The following PHF14 variants were observed in gnomAD, a reference collection of about 807,000 sequenced individuals.
PHF14 encodes the protein PHD finger protein 14.
Under a neutral mutation model 117.9 loss-of-function variants are expected in PHF14, and 55 were observed. The ratio of observed to expected loss-of-function variants is 0.47; its 90% CI spans 0.38 to 0.58. The LOEUF (loss-of-function observed/expected upper bound fraction) is 0.58. Ranked by LOEUF, PHF14 falls within the 20% of genes least tolerant of loss-of-function variation. PHF14 has a pLI of 0.00. For missense variants in PHF14, 978 were observed against 1,122.2 expected (o/e 0.87, Z 1.84); for synonymous variants, 409 against 368.6 (o/e 1.11, Z -1.26).
chr7:11,126,100 G>C (rs1418401908), intron 17 of PHF14, among the ~76,000 whole-genome samples: 2 of 152,088 alleles, frequency 1.3e-5, no homozygotes. Flanking sequence ...TAAAATCAGA[G>C]TTCAAAATTT....
intron 16 of PHF14, chr7:11,107,086 AGTAGTT>A: frequency 1.0e-6 from 1 of 983,582 alleles, no homozygotes; most frequent in Non-Finnish European, 1.2e-6. Flanking sequence ...GGTTTTAAAA[AGTAGTT>A]GTAGTTTACT....
chr7:10,989,382 T>C (rs1374844071), intron 3 of PHF14, among the ~76,000 whole-genome samples: 2 of 152,076 alleles, frequency 1.3e-5, no homozygotes, highest in Admixed American at 6.6e-5. Context: ...GAAAAATATA[T>C]ATTGTGTATT....
intron 17 of PHF14, among the ~76,000 whole-genome samples, chr7:11,129,785 T>G (rs1283673082): frequency 6.6e-6 from 1 of 151,954 alleles, no homozygotes; most frequent in African/African-American, 2.4e-5. Flanking sequence ...GCTAGTAGGA[T>G]AGATAAAGCA....
At chr7:11,098,451 C>G (rs753424174) in intron 16 of PHF14, among the ~76,000 whole-genome samples, 1 of 152,148 alleles carries the variant, frequency 6.6e-6, no homozygotes, top group African/African-American at 2.4e-5. Flanking sequence ...GGATCCCTCT[C>G]TGTCTGCCTT....
chr7:11,165,641 A>G (rs1368200156), intron 17 of PHF14, among the ~76,000 whole-genome samples: 1 of 152,210 alleles, frequency 6.6e-6, no homozygotes, highest in East Asian at 1.9e-4. Context: ...TCCAGATGCT[A>G]AAATAGTTGG....
chr7:10,991,220 G>A (rs1386520628), intron 4 of PHF14, among the ~76,000 whole-genome samples: 1 of 151,992 alleles, frequency 6.6e-6, no homozygotes, highest in Non-Finnish European at 1.5e-5. Context: ...TCGCACTGTT[G>A]CCCAGGCTGG....
intron 17 of PHF14, among the ~76,000 whole-genome samples, chr7:11,126,849 G>C (rs1031547722): frequency 1.3e-5 from 2 of 150,202 alleles, no homozygotes; most frequent in Admixed American, 6.6e-5. Context: ...AGTATAAAAA[G>C]AGACAAAAAA....
intron 16 of PHF14, chr7:11,063,385 C>T (rs1785305961): frequency 8.2e-6 from 8 of 978,648 alleles, no homozygotes; most frequent in East Asian, 1.1e-4. Context: ...CAAGCATAAG[C>T]GTAACATAAT....
intron 5 of PHF14, among the ~76,000 whole-genome samples, 199 bp from the exon 6 acceptor site, chr7:11,022,669 G>T (rs1020309147): frequency 6.6e-6 from 1 of 152,056 alleles, no homozygotes; most frequent in Non-Finnish European, 1.5e-5. Flanking sequence ...AGTAATTTCA[G>T]TCCCCTTTTT....
chr7:10,991,973 GA>G (rs1323328856), intron 4 of PHF14, among the ~76,000 whole-genome samples: 1 of 151,088 alleles, frequency 6.6e-6, no homozygotes, highest in Non-Finnish European at 1.5e-5. Flanking sequence ...TCAGAAGTAG[GA>G]AAAAGTTGAC....
chr7:11,033,464 C>G (rs906881721), intron 7 of PHF14, among the ~76,000 whole-genome samples: 1 of 148,854 alleles, frequency 6.7e-6, no homozygotes, highest in Admixed American at 6.7e-5. Flanking sequence ...CTTTCAAGGG[C>G]ATGGTCTGGG....
At position 11,136,644 on chromosome 7, in the gene PHF14, G is replaced by A. The variant is rs115780993; in HGVS notation, c.2772+25177G>A. Reference sequence around the variant, plus strand: ...TATCAAAATTTTAAGAAATGCATTTGTAATTCTTAATCATGTGTAGTTCAC... The same window carrying A: ...TATCAAAATTTTAAGAAATGCATTTATAATTCTTAATCATGTGTAGTTCAC... On this transcript the variant is annotated intron_variant, in intron 17 of 17. Coordinates refer to ENST00000634607, the MANE Select transcript of PHF14 (RefSeq NM_001007157.2). Among the ~76,000 whole-genome samples, 1,168 of 152,230 alleles carry A rather than the reference G, an allele frequency of 7.7e-3. 11 individuals carry two copies. Among genetic ancestry groups the A allele is most frequent in the African/African-American group, 0.027 (1,116 of 41,556 alleles).
chr7:11,114,395 T>C (rs1787532748), intron 17 of PHF14, among the ~76,000 whole-genome samples: 1 of 152,094 alleles, frequency 6.6e-6, no homozygotes, highest in Non-Finnish European at 1.5e-5. Flanking sequence ...GTTTTTGATA[T>C]GGGGTTGTAT....
chr7:11,019,814 T>C (rs915497557), intron 5 of PHF14, among the ~76,000 whole-genome samples: 1 of 152,158 alleles, frequency 6.6e-6, no homozygotes, highest in Non-Finnish European at 1.5e-5. Flanking sequence ...TTAAGATATG[T>C]CATTGGATTG....
chr7:11,018,463 CTTCTTTAAGTTAA>C (rs1246846529), intron 5 of PHF14, among the ~76,000 whole-genome samples: 1 of 151,978 alleles, frequency 6.6e-6, no homozygotes, highest in Admixed American at 6.6e-5. Context: ...AAATCTTTTA[CTTCTTTAAGTTAA>C]TTCCTAGGTA....
Position 11,076,567 on chromosome 7 carries a change from C to CTTTTTTT in PHF14, c.2654+14494_2654+14500dup, listed in dbSNP as rs71023886. The stretch of plus-strand genomic sequence containing the variant: ...TTATCTTGGATATTTTTTTCTTTTT[C>CTTTTTTT]TTTTTTTTTTTTTTTTTTGAGGCAG... On this transcript the variant is annotated intron_variant, in intron 16 of 17. Coordinates refer to ENST00000634607, the MANE Select transcript of PHF14 (RefSeq NM_001007157.2). 2.2e-3 allele frequency among the ~76,000 whole-genome samples: 276 copies of CTTTTTTT among 124,618 alleles called. 2 individuals are homozygous for CTTTTTTT. Among genetic ancestry groups the CTTTTTTT allele is most frequent in the East Asian group, 6.3e-3 (27 of 4,270 alleles). 81.8% of individuals were successfully genotyped at this position (124,618 alleles called of 152,430 possible).
At chr7:11,088,744 T>C (rs185651458) in intron 16 of PHF14, among the ~76,000 whole-genome samples, 2 of 152,254 alleles carry the variant, frequency 1.3e-5, no homozygotes, top group African/African-American at 4.8e-5. Flanking sequence ...ACCGTAAATA[T>C]ATAACTCCCC....
intron 14 of PHF14, among the ~76,000 whole-genome samples, chr7:11,055,169 A>G (rs1235516423): frequency 6.6e-6 from 1 of 152,182 alleles, no homozygotes; most frequent in Admixed American, 6.6e-5. Flanking sequence ...CTATGTGGAA[A>G]CTTTTACTTA....
At chr7:11,102,891 C>G in intron 16 of PHF14, 1 of 1,123,946 alleles carries the variant, frequency 8.9e-7, no homozygotes, top group Non-Finnish European at 1.1e-6. Flanking sequence ...AATGTTGATA[C>G]ACAGTGTTTG....
Sources: gnomAD v4.1 joint callset for allele counts (sites outside exome capture counted in the v4.1 genomes callset) on GRCh38, gnomAD v4.1.1 for gene constraint, MANE v1.5 for transcripts, NCBI Gene and HGNC (gene_info 2026-07-23, HGNC 2026-07-21) for gene names.